The following CRYL1 variants were observed in gnomAD, a reference collection of about 807,000 sequenced individuals.
CRYL1 encodes crystallin lambda 1, also known as lambda-crystallin homolog.
A neutral mutation model predicts 36.6 loss-of-function variants in CRYL1; 29 were observed. The ratio of observed to expected loss-of-function variants is 0.79; its 90% confidence interval spans 0.59 to 1.08. CRYL1 has a LOEUF of 1.08. CRYL1 is among the 50% of genes least tolerant of loss of function. The pLI is 0.00. For synonymous variants in CRYL1, 152 were observed against 151.5 expected (o/e 1.00, Z -0.02); for missense variants, 411 against 407.9 (o/e 1.01, Z -0.06).
In CRYL1 at chr13:20,404,659, C is replaced by T. The variant is rs368728558; in HGVS notation, c.822G>A (p.Arg274=). 4.3e-5 allele frequency: 69 copies of T among 1,613,038 alleles called. No homozygotes were observed. The highest frequency in any genetic ancestry group is 5.4e-5 in the Non-Finnish European group (64 of 1,179,176). ...CCTGGTTAACCTTCTCAGCAGTGGCCCTGGAAAACTCTGGAATGGGTCCAA... is the reference window on the plus strand; with the variant it reads ...CCTGGTTAACCTTCTCAGCAGTGGCTCTGGAAAACTCTGGAATGGGTCCAA... ...QTFGPIPEFS[R]ATAEKVNQDM... is the part of the protein sequence containing the mutation. The change falls in exon 7 of 8, where the codon AGG becomes AGA. Residue 274 remains arginine (R), a synonymous_variant. Transcript: ENST00000298248.
intron 3 of CRYL1, among the ~76,000 whole-genome samples, chr13:20,460,960 C>T (rs2032805724): frequency 6.6e-6 from 1 of 152,064 alleles, no homozygotes; most frequent in Non-Finnish European, 1.5e-5. Context: ...GCAAGGAACC[C>T]TTCCCAGCGG....
rs780268367 is a variant in CRYL1 at position 20,404,632 on chromosome 13, T to C, written c.846+3A>G. 4.4e-6 allele frequency: 7 copies of C among 1,595,738 alleles called. No individual in the cohort carries two copies. The highest frequency in any genetic ancestry group is 3.3e-5 in the Admixed American group (2 of 59,906). On this transcript the variant is annotated splice_donor_region_variant and intron_variant, in intron 7 of 7. Transcript: ENST00000298248. ...TGCAGTGAGTTGCAGAGAAGTTACATACCTGGTTAACCTTCTCAGCAGTGG... is the reference window on the plus strand; with the variant it reads ...TGCAGTGAGTTGCAGAGAAGTTACACACCTGGTTAACCTTCTCAGCAGTGG...
chr13:20,466,967 A>C lies in CRYL1; in HGVS notation c.276+22403T>G, dbSNP rs979125734. Among the ~76,000 whole-genome samples, 43 of 149,012 alleles carry C rather than the reference A, an allele frequency of 2.9e-4. 1 individual carries two copies. The highest frequency in any genetic ancestry group is 1.0e-3 in the African/African-American group (42 of 40,446). On this transcript the variant is annotated intron_variant, in intron 3 of 7. Transcript: ENST00000298248. The stretch of plus-strand genomic sequence containing the variant: ...CACAATATAACTTTTTTTTTTTCTG[A>C]GACGGAGTCTCACTCTGTTGCCCAG...
chr13:20,431,294 C>T (rs1015114399), intron 5 of CRYL1: 1 of 985,384 alleles, frequency 1.0e-6, no homozygotes, highest in Non-Finnish European at 1.2e-6. Context: ...ATGACTCGAG[C>T]CCGAGCAGCG....
chr13:20,448,326 G>A (rs764990007), intron 3 of CRYL1, among the ~76,000 whole-genome samples: 1 of 152,096 alleles, frequency 6.6e-6, no homozygotes, highest in Non-Finnish European at 1.5e-5. Flanking sequence ...TCTAACATAT[G>A]TGTAATTGGG....
intron 4 of CRYL1, among the ~76,000 whole-genome samples, chr13:20,434,073 G>T (rs965403583): frequency 6.6e-6 from 1 of 152,186 alleles, no homozygotes; most frequent in Non-Finnish European, 1.5e-5. Context: ...TCTCATGTGG[G>T]TTATCCCCAT....
At chr13:20,431,915 A>G in intron 5 of CRYL1, 187 bp downstream of exon 5, 1 of 1,527,084 alleles carries the variant, frequency 6.5e-7, no homozygotes, top group East Asian at 2.5e-5. Flanking sequence ...GAATCGCTGC[A>G]TTTTATTTTG....
chr13:20,467,967 T>G (rs4344587), intron 3 of CRYL1, among the ~76,000 whole-genome samples: 125,143 of 151,984 alleles, frequency 0.82, 51,663 homozygotes, highest in Admixed American at 0.87. Flanking sequence ...GTTGTGAACC[T>G]CACACTTAAG....
At chr13:20,455,779 T>C (rs1300101119) in intron 3 of CRYL1, among the ~76,000 whole-genome samples, 1 of 152,232 alleles carries the variant, frequency 6.6e-6, no homozygotes, top group Non-Finnish European at 1.5e-5. Context: ...GGAGTCAGAA[T>C]AGCCAAAACC....
intron 4 of CRYL1, among the ~76,000 whole-genome samples, chr13:20,437,281 A>C (rs1831764929): frequency 6.6e-6 from 1 of 152,132 alleles, no homozygotes; most frequent in Non-Finnish European, 1.5e-5. Flanking sequence ...TTTTGTTTAA[A>C]AATAATTTGT....
chr13:20,457,290 C>G (rs1027548119), intron 3 of CRYL1, among the ~76,000 whole-genome samples: 8 of 152,084 alleles, frequency 5.3e-5, no homozygotes. Flanking sequence ...CCCTTATTAC[C>G]AGTTAATAAT....
chr13:20,474,170 G>A (rs2137450580), intron 3 of CRYL1, among the ~76,000 whole-genome samples: 1 of 152,230 alleles, frequency 6.6e-6, no homozygotes, highest in Non-Finnish European at 1.5e-5. Context: ...CCACTTAAAA[G>A]CATACAAGAG....
chr13:20,512,396 G>A, intron 2 of CRYL1, 47 bp downstream of exon 2: 1 of 1,355,696 alleles, frequency 7.4e-7, no homozygotes, highest in Non-Finnish European at 1.0e-6. Context: ...CCAACTGAGA[G>A]AAACAGACCC....
chr13:20,436,501 G>A (rs1460038448), intron 4 of CRYL1, among the ~76,000 whole-genome samples: 4 of 152,148 alleles, frequency 2.6e-5, no homozygotes, highest in Non-Finnish European at 5.9e-5. Context: ...TCACTGCCAC[G>A]AGGAGTTGAG....
In CRYL1 at chr13:20,485,050, C is replaced by T. The variant is rs80223895; in HGVS notation, c.276+4320G>A. On this transcript the variant is annotated intron_variant, in intron 3 of 7. Transcript: ENST00000298248. ...TTGTTGTTGTTGAGACAAGGTCTCACTCTGTCGCCCAGGCTGGAGTGCAGT... is the reference window on the plus strand; with the variant it reads ...TTGTTGTTGTTGAGACAAGGTCTCATTCTGTCGCCCAGGCTGGAGTGCAGT... Among the ~76,000 whole-genome samples, 40 of 152,286 alleles carry T rather than the reference C, an allele frequency of 2.6e-4. No individual in the cohort carries two copies. The East Asian group carries it at 7.0e-3, about 26-fold the overall frequency.
rs111446472 is a variant in CRYL1, at chr13:20,525,506, C to T, written c.41+248G>A. 2.8e-3 allele frequency among the ~76,000 whole-genome samples: 433 copies of T among 152,284 alleles called. 2 individuals are homozygous for T. The highest frequency in any genetic ancestry group is 9.8e-3 in the African/African-American group (408 of 41,576). ...CCTGGGCGGTCAACCTCGGAACCTC[C>T]TGCAACGCTGGCTCCCGGGAAGCAG... On this transcript the variant is annotated intron_variant, in intron 1 of 7. Transcript: ENST00000298248. The surrounding 1 kb of genome is among the most constrained non-coding windows in gnomAD (Gnocchi z 4.3).
intron 4 of CRYL1, among the ~76,000 whole-genome samples, chr13:20,437,509 G>A (rs556608318): frequency 2.4e-4 from 37 of 152,130 alleles, no homozygotes; most frequent in Non-Finnish European, 4.3e-4. Context: ...GGGTTTCACC[G>A]TGTTAGCCAG....
chr13:20,439,624 A>T lies in CRYL1; in HGVS notation c.407T>A (p.Val136Asp), dbSNP rs985232489. 2 of 1,613,950 alleles carry T rather than the reference A, an allele frequency of 1.2e-6. No individual in the cohort carries two copies. Among genetic ancestry groups the T allele is most frequent in the East Asian group, 2.2e-5 (1 of 44,874 alleles). ...AGCCACGATGCATTGCTTCACATGG[A>T]CCAAGCCAGCAAACAACTTGGAAGG... The part of the protein sequence containing the change: ...LMPSKLFAGL[V>D]HVKQCIVAHP... The change falls in exon 4 of 8, where the codon GTC (valine) becomes GAC (aspartate). Residue 136 changes from valine to aspartate, a missense_variant. Val to Asp is a radical substitution (Grantham distance 152). Coordinates refer to ENST00000298248, the MANE Select transcript of CRYL1 (RefSeq NM_015974.3).
chr13:20,423,960 G>A (rs774262363), intron 5 of CRYL1, among the ~76,000 whole-genome samples: 12 of 151,912 alleles, frequency 7.9e-5, no homozygotes, highest in Non-Finnish European at 1.5e-4. Flanking sequence ...TAATAGAGAC[G>A]GGGTTTCACC....
Sources: gnomAD v4.1 joint callset for allele counts (sites outside exome capture counted in the v4.1 genomes callset) on GRCh38, gnomAD v4.1.1 for gene constraint, Gnocchi (gnomAD v3.1) non-coding constraint, MANE v1.5 for transcripts, NCBI Gene and HGNC (gene_info 2026-07-23, HGNC 2026-07-21) for gene names.